The following RFX6 variants were observed in gnomAD, a reference collection of about 807,000 sequenced individuals.
RFX6 encodes regulatory factor X6, also known as DNA-binding protein RFX6.
RFX6 carries 50 observed loss-of-function variants against 110.8 expected under a neutral mutation model. The ratio of observed to expected loss-of-function variants is 0.45; its 90% CI spans 0.36 to 0.57. RFX6 has a LOEUF of 0.57. Ranked by LOEUF, RFX6 falls within the 20% of genes least tolerant of loss-of-function variation. RFX6 has a pLI of 0.00. For synonymous variants in RFX6, 383 were observed against 411.2 expected (o/e 0.93, Z 0.83); for missense variants, 990 against 1,127.0 (o/e 0.88, Z 1.74).
intron 17 of RFX6, 30 bp from the exon 18 acceptor site, chr6:116,928,729 A>G: frequency 6.5e-7 from 1 of 1,537,066 alleles, no homozygotes; most frequent in Non-Finnish European, 9.0e-7. Flanking sequence ...TAGTAAGTTA[A>G]CAGCAAATTC....
At position 116,927,167 on chromosome 6, in the gene RFX6, T is replaced by C; in HGVS notation, c.2026T>C (p.Ser676Pro). 1.9e-6 allele frequency: 3 copies of C among 1,614,104 alleles called. No individual in the cohort carries two copies. Among genetic ancestry groups the C allele is most frequent in the Non-Finnish European group, 2.5e-6 (3 of 1,180,014 alleles). Residue 676 changes from serine (S) to proline (P), a missense_variant, in exon 17 of 19, where the codon TCA becomes CCA. By Grantham distance (74) the Ser-to-Pro change is moderately conservative (BLOSUM62 -1). Coordinates refer to ENST00000332958, the MANE Select transcript of RFX6 (RefSeq NM_173560.4). ...TGTGGGCCCAGTACTGTCAGCTCCA[T>C]CACACTGCTCCACATACCCAGAGCC... is the stretch of plus-strand genomic sequence containing the variant. Reference protein sequence around the residue: ...PSVGPVLSAPSHCSTYPEPIY... With the variant: ...PSVGPVLSAPPHCSTYPEPIY...
intron 12 of RFX6, among the ~76,000 whole-genome samples, chr6:116,921,479 T>C (rs933664320): frequency 6.6e-6 from 1 of 152,180 alleles, no homozygotes. Context: ...ATAAACAACT[T>C]AATCTTCCCT....
Position 116,898,095 on chromosome 6 carries a change from G to A in RFX6, c.672+2888G>A, listed in dbSNP as rs1403673405. Among the ~76,000 whole-genome samples the A allele has an allele frequency of 2.6e-5, 4 of 152,146 alleles. No individual in the cohort carries two copies. In the East Asian group the frequency reaches 7.7e-4, roughly 29 times the overall value. On this transcript the variant is annotated intron_variant, in intron 6 of 18. Transcript: ENST00000332958. ...GGAGAATACAGTGTCACAGGATTCA[G>A]GATGAAAAAATGCTCCCTACAGAAG...
intron 6 of RFX6, among the ~76,000 whole-genome samples, chr6:116,898,462 T>TG (rs1395082491): frequency 6.6e-6 from 1 of 152,136 alleles, no homozygotes; most frequent in Admixed American, 6.5e-5. Context: ...CCCAAGTAGC[T>TG]GGGACTACAG....
At chr6:116,903,798 T>C (rs1200815082) in intron 6 of RFX6, among the ~76,000 whole-genome samples, 1 of 152,120 alleles carries the variant, frequency 6.6e-6, no homozygotes, top group Non-Finnish European at 1.5e-5. Flanking sequence ...TGTACTGCTG[T>C]ATAATATTCC....
chr6:116,918,101 T>A lies in RFX6; in HGVS notation c.1022+15T>A. ...ATGCCTGAAAGGTATGTTCAGTTAA[T>A]AAAACATGAGCATTCCTAGTATAGG... On this transcript the variant is annotated intron_variant, in intron 10 of 18. Coordinates refer to ENST00000332958, the MANE Select transcript of RFX6 (RefSeq NM_173560.4). 6.3e-7 allele frequency: 1 copy of A among 1,578,414 alleles called. No homozygotes were observed.
chr6:116,886,312 T>C (rs1274343768), intron 4 of RFX6, among the ~76,000 whole-genome samples: 3 of 152,138 alleles, frequency 2.0e-5, no homozygotes, highest in Non-Finnish European at 4.4e-5. Context: ...ATAGCTAGAG[T>C]ATGTCCAGTC....
chr6:116,881,111 GT>G (rs1175422428), intron 3 of RFX6, among the ~76,000 whole-genome samples: 1 of 151,992 alleles, frequency 6.6e-6, no homozygotes, highest in East Asian at 1.9e-4. Flanking sequence ...TTCACTCTAT[GT>G]TTACATTCCA....
chr6:116,909,176 G>A (rs2145173), intron 6 of RFX6, among the ~76,000 whole-genome samples: 2 of 151,568 alleles, frequency 1.3e-5, no homozygotes, highest in African/African-American at 2.4e-5. Flanking sequence ...TCCTAACTGC[G>A]ATTTAATATC....
At chr6:116,926,794 T>G (rs1775748121) in intron 16 of RFX6, among the ~76,000 whole-genome samples, 1 of 152,216 alleles carries the variant, frequency 6.6e-6, no homozygotes, top group Non-Finnish European at 1.5e-5. Flanking sequence ...CATCGCAGAC[T>G]TTCCTCTGTA....
At chr6:116,881,465 TA>T (rs977895092) in intron 3 of RFX6, among the ~76,000 whole-genome samples, 10 of 152,082 alleles carry the variant, frequency 6.6e-5, no homozygotes, top group African/African-American at 2.2e-4. Flanking sequence ...GCTTCTCATT[TA>T]AAAAATAATG....
intron 4 of RFX6, among the ~76,000 whole-genome samples, chr6:116,892,889 T>C (rs1321095725): frequency 6.6e-6 from 1 of 152,130 alleles, no homozygotes; most frequent in Non-Finnish European, 1.5e-5. Context: ...AGTTCTTTAT[T>C]GCTGAGGCCA....
At chr6:116,892,434 A>G (rs73563429) in intron 4 of RFX6, among the ~76,000 whole-genome samples, 4,002 of 152,326 alleles carry the variant, frequency 0.026, 182 homozygotes, top group African/African-American at 0.092. Flanking sequence ...CCCCAGGCCC[A>G]CTTCTTGGGC....
At chr6:116,889,530 T>C (rs1774774658) in intron 4 of RFX6, among the ~76,000 whole-genome samples, 1 of 152,026 alleles carries the variant, frequency 6.6e-6, no homozygotes, top group Non-Finnish European at 1.5e-5. Context: ...CAAAGCTTCA[T>C]GTGTTAAAAT....
At chr6:116,890,703 G>A (rs949989462) in intron 4 of RFX6, among the ~76,000 whole-genome samples, 1 of 152,068 alleles carries the variant, frequency 6.6e-6, no homozygotes, top group Non-Finnish European at 1.5e-5. Flanking sequence ...TTTTCTTCAG[G>A]TGTCAGTTTG....
chr6:116,889,938 G>A (rs1774783926), intron 4 of RFX6, among the ~76,000 whole-genome samples: 1 of 151,992 alleles, frequency 6.6e-6, no homozygotes, highest in African/African-American at 2.4e-5. Flanking sequence ...CATTCTGCGA[G>A]TTTATACATG....
intron 13 of RFX6, 127 bp from the exon 14 acceptor site, chr6:116,922,980 T>A: frequency 1.3e-6 from 1 of 741,052 alleles, no homozygotes; most frequent in South Asian, 1.5e-5. Flanking sequence ...TAGTTTTATT[T>A]GATGAAATAA....
chr6:116,931,534 A>C lies in RFX6; in HGVS notation c.*28A>C. The C allele has an allele frequency of 6.4e-7, 1 of 1,550,732 alleles. No individual in the cohort carries two copies. Among genetic ancestry groups the C allele is most frequent in the Non-Finnish European group, 8.9e-7 (1 of 1,127,774 alleles). On this transcript the variant is annotated 3_prime_UTR_variant, in exon 19 of 19. Transcript: ENST00000332958. ...CACCAATGTGGGAGGGGGTGCTAAA[A>C]CTTTAAAAAAAATCTCTACTGTGCA...
At chr6:116,929,009 A>G in intron 18 of RFX6, 38 bp downstream of exon 18, 1 of 1,365,014 alleles carries the variant, frequency 7.3e-7, no homozygotes, top group Non-Finnish European at 1.0e-6. Context: ...CATTTTAAGA[A>G]GTTGTTAACC....
Sources: gnomAD v4.1 joint callset for allele counts (sites outside exome capture counted in the v4.1 genomes callset) on GRCh38, gnomAD v4.1.1 for gene constraint, MANE v1.5 for transcripts, NCBI Gene and HGNC (gene_info 2026-07-23, HGNC 2026-07-21) for gene names.